Variants in FTCDNL1 observed in about 807,000 individuals in gnomAD.
FTCDNL1 encodes the protein formiminotransferase N-terminal subdomain-containing protein.
Under a neutral mutation model 5.9 loss-of-function variants are expected in FTCDNL1, and 11 were observed. The ratio of observed to expected loss-of-function variants is 1.87; its 90% CI spans 1.18 to 3.10. The LOEUF (loss-of-function observed/expected upper bound fraction) is 3.10. Among genes scored for constraint, FTCDNL1 ranks in the 30% most tolerant of loss-of-function variants. The probability of loss-of-function intolerance (pLI) is 0.00; values close to 1 mark genes in which losing one functional copy is unlikely to be tolerated. For missense variants in FTCDNL1, 115 were observed against 65.5 expected (o/e 1.76, Z -2.61); for synonymous variants, 58 against 24.8 (o/e 2.34, Z -3.99).
the FTCDNL1 span, among the ~76,000 whole-genome samples, chr2:199,737,866 A>C: frequency 4.5e-4 from 68 of 152,316 alleles, no homozygotes; most frequent in African/African-American, 1.6e-3. Context: ...AGAGTAATGC[A>C]AATTCCACAA....
the FTCDNL1 span, among the ~76,000 whole-genome samples, chr2:199,742,158 G>A: frequency 6.6e-6 from 1 of 151,668 alleles, no homozygotes; most frequent in Non-Finnish European, 1.5e-5. Context: ...GGGCTTCTGT[G>A]TTCATCTGAT....
chr2:199,705,591 T>C, the FTCDNL1 span, among the ~76,000 whole-genome samples: 1 of 152,224 alleles, frequency 6.6e-6, no homozygotes, highest in Non-Finnish European at 1.5e-5. Flanking sequence ...TTTATTTCTT[T>C]TTCTTGCCTT....
downstream of FTCDNL1, among the ~76,000 whole-genome samples, chr2:199,758,980 T>A (rs1698166293): frequency 6.6e-6 from 1 of 152,138 alleles, no homozygotes; most frequent in Non-Finnish European, 1.5e-5. Context: ...TATGTGTGGA[T>A]CCAGAAAAAC....
chr2:199,764,483 T>C (rs1035810903), intron 3 of FTCDNL1, among the ~76,000 whole-genome samples: 2 of 152,226 alleles, frequency 1.3e-5, no homozygotes, highest in Non-Finnish European at 2.9e-5. Flanking sequence ...GCTGTGCTAA[T>C]ATTCGTGATT....
At chr2:199,723,136 A>G in the FTCDNL1 span, among the ~76,000 whole-genome samples, 1 of 151,582 alleles carries the variant, frequency 6.6e-6, no homozygotes, top group African/African-American at 2.4e-5. Flanking sequence ...ATAGGCCCCA[A>G]TGTTTGTTAA....
intron 3 of FTCDNL1, among the ~76,000 whole-genome samples, chr2:199,828,891 C>T (rs546820678): frequency 5.8e-4 from 89 of 152,268 alleles, no homozygotes; most frequent in South Asian, 2.9e-3. Flanking sequence ...GCTAACAAAA[C>T]GAGAAGAGAG....
chr2:199,677,425 CTAGG>C, the FTCDNL1 span, among the ~76,000 whole-genome samples: 1 of 152,104 alleles, frequency 6.6e-6, no homozygotes, highest in Non-Finnish European at 1.5e-5. Flanking sequence ...ATCATGCCAT[CTAGG>C]AATAACTAAT....
At chr2:199,794,335 A>G (rs1364457506) in intron 3 of FTCDNL1, among the ~76,000 whole-genome samples, 1 of 152,232 alleles carries the variant, frequency 6.6e-6, no homozygotes, top group Non-Finnish European at 1.5e-5. Context: ...CTGTGGCCAA[A>G]GCAAATATTT....
intron 3 of FTCDNL1, among the ~76,000 whole-genome samples, chr2:199,788,415 G>A (rs1329570242): frequency 1.3e-5 from 2 of 151,950 alleles, no homozygotes; most frequent in Admixed American, 6.5e-5. Flanking sequence ...ATAATAAAAG[G>A]GTCGCCAAAA....
At chr2:199,671,780 G>C in the FTCDNL1 span, among the ~76,000 whole-genome samples, 4 of 152,168 alleles carry the variant, frequency 2.6e-5, no homozygotes, top group Middle Eastern at 3.4e-3. Context: ...AATTGTTTCT[G>C]TCTCACCCAG....
At chr2:199,668,502 G>A in the FTCDNL1 span, among the ~76,000 whole-genome samples, 2 of 149,610 alleles carry the variant, frequency 1.3e-5, no homozygotes, top group South Asian at 4.2e-4. Context: ...AGATGAGCAG[G>A]TCTGGGAGCT....
chr2:199,798,724 G>A (rs140194492), intron 3 of FTCDNL1, among the ~76,000 whole-genome samples: 157 of 152,290 alleles, frequency 1.0e-3, no homozygotes, highest in African/African-American at 3.7e-3. Context: ...ACCACTTGGT[G>A]ACAAGACAAC....
intron 3 of FTCDNL1, among the ~76,000 whole-genome samples, chr2:199,793,224 G>A (rs945450160): frequency 6.6e-6 from 1 of 152,084 alleles, no homozygotes; most frequent in African/African-American, 2.4e-5. Flanking sequence ...GAGTGGAAAT[G>A]GAAATAATAC....
chr2:199,763,094 A>T (rs1279882966), intron 3 of FTCDNL1, among the ~76,000 whole-genome samples: 3 of 152,228 alleles, frequency 2.0e-5, no homozygotes. Flanking sequence ...GTAACAACAC[A>T]TTACTATCTT....
At chr2:199,760,738 C>A in exon 4 of FTCDNL1, 3 of 697,324 alleles carry the variant, frequency 4.3e-6, no homozygotes, top group South Asian at 3.0e-5. Flanking sequence ...CTCCATGAGT[C>A]ACCCCAGATC....
downstream of FTCDNL1, among the ~76,000 whole-genome samples, chr2:199,809,226 T>C (rs539767184): frequency 2.6e-5 from 4 of 151,040 alleles, no homozygotes; most frequent in Non-Finnish European, 4.4e-5. Flanking sequence ...CTGGATCCTA[T>C]AAAAAGATTG....
chr2:199,760,853 A>C (rs1043567241), intron 3 of FTCDNL1: 13 of 702,150 alleles, frequency 1.9e-5, no homozygotes, highest in Non-Finnish European at 2.9e-5. Context: ...TAAGGGAAGG[A>C]GAGATTAGTA....
chr2:199,668,334 G>C, the FTCDNL1 span, among the ~76,000 whole-genome samples: 1 of 152,296 alleles, frequency 6.6e-6, no homozygotes, highest in Middle Eastern at 3.4e-3. Context: ...TATGCCCAAA[G>C]AGGTTGATTT....
the FTCDNL1 span, among the ~76,000 whole-genome samples, chr2:199,694,368 A>G: frequency 1.3e-5 from 2 of 152,200 alleles, no homozygotes; most frequent in African/African-American, 2.4e-5. Context: ...ATTAGCTACA[A>G]TTTTTGAGGT....
Sources: allele counts gnomAD v4.1 joint callset (sites outside exome capture counted in the v4.1 genomes callset), GRCh38; gene constraint gnomAD v4.1.1; transcripts MANE v1.5; gene names NCBI Gene and HGNC (gene_info 2026-07-23, HGNC 2026-07-21).